Variants in NRP2 observed in about 807,000 individuals in gnomAD.
The protein encoded by NRP2 is neuropilin 2.
In NRP2, 52 loss-of-function variants were observed where a neutral mutation model predicts 110.4. The ratio of observed to expected loss-of-function variants is 0.47; its 90% CI spans 0.38 to 0.59. NRP2 has a LOEUF of 0.59. Ranked by LOEUF, NRP2 falls within the 20% of genes least tolerant of loss-of-function variation. The pLI, the probability that NRP2 is intolerant of heterozygous loss-of-function variation, is 0.00. For missense variants in NRP2, 1,049 were observed against 1,203.0 expected (o/e 0.87, Z 1.89); for synonymous variants, 508 against 468.9 (o/e 1.08, Z -1.08).
rs183282635 is a variant in NRP2 at position 205,797,358 on chromosome 2, G to T, written c.*2300G>T. ...TTCCAGAAGTAGCCTGCAGAAGAAG[G>T]TAAGTTTGAAAGCCACTCCAGGGGT... On this transcript the variant is annotated 3_prime_UTR_variant, in exon 17 of 17. Coordinates refer to ENST00000357785, the MANE Select transcript of NRP2 (RefSeq NM_003872.3). 6.6e-5 allele frequency: 10 copies of T among 152,350 alleles called. No homozygotes were observed. The highest frequency in any genetic ancestry group is 1.0e-4 in the Non-Finnish European group (7 of 68,078). The allele number at this position is 152,350 out of a possible 1,614,324, so 9.4% of individuals were successfully genotyped here. A position where few individuals can be genotyped will look rare whatever the true frequency, so the allele number is the denominator to read the frequency against.
intron 15 of NRP2, 23 bp downstream of exon 15, chr2:205,766,826 A>G (rs1485878228): frequency 6.2e-7 from 1 of 1,610,134 alleles, no homozygotes. Context: ...AAGGTAAAAA[A>G]AAATTTTTTT....
At chr2:205,744,298 T>G (rs570803348) in intron 9 of NRP2, among the ~76,000 whole-genome samples, 1 of 152,314 alleles carries the variant, frequency 6.6e-6, no homozygotes, top group African/African-American at 2.4e-5. Flanking sequence ...GCCAGACATC[T>G]AAAGGGGATG....
chr2:205,741,801 C>T (rs1362068804), intron 8 of NRP2, among the ~76,000 whole-genome samples: 1 of 152,210 alleles, frequency 6.6e-6, no homozygotes, highest in Non-Finnish European at 1.5e-5. Context: ...TCTCCACATG[C>T]CTTTCTTGTT....
intron 15 of NRP2, chr2:205,776,802 T>C: frequency 2.2e-6 from 3 of 1,348,826 alleles, no homozygotes; most frequent in African/African-American, 2.9e-5. Flanking sequence ...CCCCAAGCAC[T>C]CCACAACTCA....
rs371257328 is a variant in NRP2, at chr2:205,745,861, G to A, written c.1757G>A (p.Arg586Gln). 14 of 1,614,106 alleles carry A rather than the reference G, an allele frequency of 8.7e-6. No individual in the cohort carries two copies. The highest frequency in any genetic ancestry group is 1.3e-5 in the African/African-American group (1 of 74,942). The change falls in exon 10 of 17, where the codon CGG becomes CAG. Residue 586 changes from arginine (R) to glutamine (Q), a missense_variant. Arg to Gln is a conservative substitution (Grantham distance 43, BLOSUM62 1). Coordinates refer to ENST00000357785, the MANE Select transcript of NRP2 (RefSeq NM_003872.3). Reference protein sequence around the residue: ...ERWSPAGIGMRLEVLGCDWTD... With the variant: ...ERWSPAGIGMQLEVLGCDWTD... The stretch of plus-strand genomic sequence containing the variant: ...TGGTCGCCGGCGGGGATTGGGATGC[G>A]GCTGGAGGTGCTGGGCTGTGACTGG...
At chr2:205,781,147 T>A (rs2058169545) in intron 15 of NRP2, among the ~76,000 whole-genome samples, 1 of 152,224 alleles carries the variant, frequency 6.6e-6, no homozygotes, top group African/African-American at 2.4e-5. Flanking sequence ...GCATTACTGT[T>A]TTTGGAACCA....
intron 12 of NRP2, chr2:205,759,781 G>A (rs974564313): frequency 6.6e-6 from 1 of 152,208 alleles, no homozygotes; most frequent in Admixed American, 6.5e-5. Context: ...GGCAAGCATA[G>A]GAGGGAGTGT....
chr2:205,759,772 G>A (rs1316130315), intron 12 of NRP2: 1 of 152,170 alleles, frequency 6.6e-6, no homozygotes, highest in African/African-American at 2.4e-5. Context: ...TAAAATAAAG[G>A]CAAGCATAGG....
intron 10 of NRP2, 34 bp from the exon 11 acceptor site, chr2:205,749,691 C>T: frequency 6.4e-7 from 1 of 1,562,394 alleles, no homozygotes; most frequent in South Asian, 1.1e-5. Context: ...CAGGCTGCTA[C>T]AGCATTCTCT....
Position 205,726,027 on chromosome 2 carries a change from A to C in NRP2, c.935A>C (p.His312Pro), listed in dbSNP as rs747493346. The stretch of plus-strand genomic sequence containing the variant: ...TGGACCCCTCAACAAAGCCGGCTCC[A>C]TGGTGATGACAATGGCTGGACCCCC... ...GRWTPQQSRL[H>P]GDDNGWTPNL... Residue 312 changes from histidine to proline, a missense_variant, in exon 6 of 17, where the codon CAT becomes CCT. Coordinates refer to ENST00000357785, the MANE Select transcript of NRP2 (RefSeq NM_003872.3). 6.8e-6 allele frequency: 11 copies of C among 1,614,208 alleles called. No homozygotes were observed.
chr2:205,729,507 A>G (rs1190109926), intron 7 of NRP2, among the ~76,000 whole-genome samples: 1 of 152,212 alleles, frequency 6.6e-6, no homozygotes, highest in Non-Finnish European at 1.5e-5. Context: ...AAACCGGTAG[A>G]TCTCGGAAGC....
chr2:205,705,010 T>C (rs1017709338), intron 2 of NRP2, among the ~76,000 whole-genome samples: 1 of 152,168 alleles, frequency 6.6e-6, no homozygotes, highest in Admixed American at 6.5e-5. Flanking sequence ...ACATCAGATT[T>C]TTCTAAAAAG....
intron 15 of NRP2, among the ~76,000 whole-genome samples, chr2:205,772,956 C>T (rs868250812): frequency 3.9e-5 from 6 of 152,216 alleles, no homozygotes; most frequent in African/African-American, 1.4e-4. Context: ...CAACATTTTC[C>T]AGGGAGTCTG....
chr2:205,757,355 G>T (rs2057750389), intron 12 of NRP2, among the ~76,000 whole-genome samples: 1 of 152,114 alleles, frequency 6.6e-6, no homozygotes, highest in Non-Finnish European at 1.5e-5. Flanking sequence ...ACACCTCACT[G>T]GGGCTATTTT....
At chr2:205,745,692 G>T in intron 9 of NRP2, 54 bp from the exon 10 acceptor site, 3 of 1,610,444 alleles carry the variant, frequency 1.9e-6, no homozygotes, top group Non-Finnish European at 2.5e-6. Context: ...AGGGAAGAAG[G>T]TGATAGGGAC....
At position 205,766,786 on chromosome 2, in the gene NRP2, C is replaced by A. The variant is rs763637933; in HGVS notation, c.2408C>A (p.Pro803His). Residue 803 changes from proline (P) to histidine (H), a missense_variant, in exon 15 of 17, where the codon CCC (proline) becomes CAC (histidine). Pro to His is a moderately conservative substitution (Grantham distance 77). Transcript: ENST00000357785. The stretch of plus-strand genomic sequence containing the variant: ...ATTTTTTGTTTGTTTTTTTCAGAAC[C>A]CATCTCGGCTTTTGCAGGTGAGAAT... ...TDVPLENCME[P>H]ISAFAVDIPE... 4 of 1,612,778 alleles carry A rather than the reference C, an allele frequency of 2.5e-6. No individual in the cohort carries two copies. The East Asian group carries it at 6.7e-5, about 27-fold the overall frequency.
At chr2:205,701,030 C>A in intron 2 of NRP2, 6 of 207,144 alleles carry the variant, frequency 2.9e-5, no homozygotes, top group Non-Finnish European at 5.0e-5. Flanking sequence ...CAGACAGAGG[C>A]CTTTCGCTTG....
Position 205,749,842 on chromosome 2 carries a change from GT to G in NRP2, c.1903+2del. The G allele has an allele frequency of 6.2e-7, 1 of 1,612,426 alleles. No homozygotes were observed. The highest frequency in any genetic ancestry group is 8.5e-7 in the Non-Finnish European group (1 of 1,178,550). On this transcript the variant is annotated splice_donor_variant, in intron 11 of 16. Transcript: ENST00000357785. LOFTEE classifies it high-confidence loss of function. ...GGGGAGAACTGCAGCTTTGAGGATG[GT>G]AAGCACAAATTGCCTCCAGATGGCA...
At chr2:205,737,711 C>G (rs1331070756) in intron 7 of NRP2, among the ~76,000 whole-genome samples, 1 of 152,170 alleles carries the variant, frequency 6.6e-6, no homozygotes, top group Non-Finnish European at 1.5e-5. Flanking sequence ...TTGAAAAGAT[C>G]CTTCATTTGA....
Sources: gnomAD v4.1 joint callset for allele counts (sites outside exome capture counted in the v4.1 genomes callset) on GRCh38, gnomAD v4.1.1 for gene constraint, MANE v1.5 for transcripts, NCBI Gene and HGNC (gene_info 2026-07-23, HGNC 2026-07-21) for gene names.